Variants in CRYL1 observed in about 807,000 individuals in gnomAD.
CRYL1 encodes the protein crystallin lambda 1.
CRYL1 carries 29 observed loss-of-function variants against 36.6 expected under a neutral mutation model. That is an observed-to-expected ratio of 0.79 (90% confidence interval 0.59 to 1.08). The LOEUF is 1.08. Among genes scored for constraint, CRYL1 ranks in the 50% least tolerant of loss-of-function variants. The probability of loss-of-function intolerance (pLI) is 0.00; values close to 1 mark genes in which losing one functional copy is unlikely to be tolerated. For missense variants in CRYL1, 411 were observed against 407.9 expected, an observed-to-expected ratio of 1.01 and a Z score of -0.06; for synonymous variants, 152 against 151.5, an observed-to-expected ratio of 1.00 and a Z score of -0.02.
At chr13:20,454,187 A>G (rs1338226216) in intron 3 of CRYL1, among the ~76,000 whole-genome samples, 5 of 152,162 alleles carry the variant, frequency 3.3e-5, no homozygotes, top group African/African-American at 1.2e-4. Context: ...AAGACATTAC[A>G]TGGGGAAAAA....
intron 2 of CRYL1, among the ~76,000 whole-genome samples, chr13:20,500,426 G>T (rs113099482): frequency 3.8e-4 from 3 of 7,876 alleles, no homozygotes; most frequent in African/African-American, 3.9e-4. Flanking sequence ...ACAGTTGAAG[G>T]AACTGGTTGT....
At chr13:20,518,981 G>A (rs74038905) in intron 1 of CRYL1, among the ~76,000 whole-genome samples, 9,840 of 152,192 alleles carry the variant, frequency 0.065, 763 homozygotes, top group African/African-American at 0.18. Context: ...AGTTCAAAAC[G>A]GGATGTTTTC....
intron 2 of CRYL1, among the ~76,000 whole-genome samples, chr13:20,510,722 C>T (rs572462388): frequency 6.6e-6 from 1 of 151,430 alleles, no homozygotes; most frequent in Non-Finnish European, 1.5e-5. Context: ...AAGTGACTCT[C>T]ATGTCTCAGC....
chr13:20,409,493 C>T (rs1260991196), intron 6 of CRYL1, among the ~76,000 whole-genome samples: 1 of 150,510 alleles, frequency 6.6e-6, no homozygotes, highest in African/African-American at 2.4e-5. Flanking sequence ...ATGTCTAAAA[C>T]ACCAAAAGCA....
At chr13:20,429,744 A>G (rs941523980) in intron 5 of CRYL1, among the ~76,000 whole-genome samples, 1 of 152,168 alleles carries the variant, frequency 6.6e-6, no homozygotes, top group African/African-American at 2.4e-5. Flanking sequence ...TTCACGAACA[A>G]GGTCATGACC....
intron 2 of CRYL1, among the ~76,000 whole-genome samples, chr13:20,509,394 C>T (rs2033872842): frequency 1.3e-5 from 2 of 151,926 alleles, no homozygotes; most frequent in African/African-American, 2.4e-5. Context: ...ACTTCCAGCA[C>T]TATGATGGAC....
chr13:20,404,365 C>T lies in CRYL1; in HGVS notation c.847-123G>A, dbSNP rs4638418. The T allele has an allele frequency of 0.73, 484,652 of 666,336 alleles. 177,639 individuals carry two copies. Among genetic ancestry groups the T allele is most frequent in the South Asian group, 0.77 (41,506 of 54,000 alleles). The allele number at this position is 666,336 out of a possible 1,614,324, so 41.3% of individuals were successfully genotyped here. A position where few individuals can be genotyped will look rare whatever the true frequency, so the allele number is the denominator to read the frequency against. ...CTTTCAAAGACAAAAGCAATAAACCCTCAATGAACAGCAGCTTTCCAAATC... is the reference window on the plus strand; with the variant it reads ...CTTTCAAAGACAAAAGCAATAAACCTTCAATGAACAGCAGCTTTCCAAATC... On this transcript the variant is annotated intron_variant, in intron 7 of 7. Transcript: ENST00000298248.
intron 4 of CRYL1, among the ~76,000 whole-genome samples, chr13:20,436,238 C>G (rs980233636): frequency 2.0e-5 from 3 of 152,322 alleles, no homozygotes; most frequent in African/African-American, 7.2e-5. Flanking sequence ...CAGCACAGTA[C>G]TTGGTGGGCT....
rs2031924469 is a variant in CRYL1, at chr13:20,425,964, T to C, written c.633+6138A>G. ...GAGTGCTGTTTCTGGGTGTCCCTCC[T>C]GAGGGACCTGCTTCTGCCCACACAG... On this transcript the variant is annotated intron_variant, in intron 5 of 7. Coordinates refer to ENST00000298248, the MANE Select transcript of CRYL1 (RefSeq NM_015974.3). This position sits in a 1 kb window ranked among gnomAD's most constrained non-coding sequence, Gnocchi z 4.4. 6.6e-6 allele frequency among the ~76,000 whole-genome samples: 1 copy of C among 152,130 alleles called. No homozygotes were observed. Among genetic ancestry groups the C allele is most frequent in the Non-Finnish European group, 1.5e-5 (1 of 68,018 alleles).
intron 6 of CRYL1, among the ~76,000 whole-genome samples, chr13:20,412,705 C>T (rs772847455): frequency 6.6e-6 from 1 of 152,160 alleles, no homozygotes; most frequent in Non-Finnish European, 1.5e-5. Context: ...TACCAGATCA[C>T]AGATAATGGG....
rs1035516449 is a variant in CRYL1, at chr13:20,425,827, G to A, written c.633+6275C>T. Among the ~76,000 whole-genome samples, 2 of 151,984 alleles carry A rather than the reference G, an allele frequency of 1.3e-5. No individual in the cohort carries two copies. Among genetic ancestry groups the A allele is most frequent in the Admixed American group, 6.6e-5 (1 of 15,262 alleles). ...CAGTTCATAATGCAGTGGATTATGC[G>A]CAAACCTGGCTGACAGCATGAGATC... On this transcript the variant is annotated intron_variant, in intron 5 of 7. Transcript: ENST00000298248. The surrounding 1 kb of genome is among the most constrained non-coding windows in gnomAD (Gnocchi z 4.4).
In CRYL1 at chr13:20,425,467, G is replaced by T. The variant is rs935346414; in HGVS notation, c.633+6635C>A. ...TGAAACGGCAGAGCCTCACCGGACTGCCAGAAAAGGACAGGCCACGCAGGC... is the reference window on the plus strand; with the variant it reads ...TGAAACGGCAGAGCCTCACCGGACTTCCAGAAAAGGACAGGCCACGCAGGC... On this transcript the variant is annotated intron_variant, in intron 5 of 7. Coordinates refer to ENST00000298248, the MANE Select transcript of CRYL1 (RefSeq NM_015974.3). The surrounding 1 kb of genome is among the most constrained non-coding windows in gnomAD (Gnocchi z 4.4). Among the ~76,000 whole-genome samples, 5 of 152,240 alleles carry T rather than the reference G, an allele frequency of 3.3e-5. No individual in the cohort carries two copies. The highest frequency in any genetic ancestry group is 7.3e-5 in the Non-Finnish European group (5 of 68,038).
At chr13:20,476,063 G>T (rs1299419187) in intron 3 of CRYL1, among the ~76,000 whole-genome samples, 1 of 152,122 alleles carries the variant, frequency 6.6e-6, no homozygotes, top group Non-Finnish European at 1.5e-5. Context: ...AACCACAGTA[G>T]GTCTCTCAGA....
At chr13:20,466,309 A>T (rs984662366) in intron 3 of CRYL1, among the ~76,000 whole-genome samples, 3 of 152,244 alleles carry the variant, frequency 2.0e-5, no homozygotes, top group African/African-American at 7.2e-5. Flanking sequence ...AAAGATGGGT[A>T]AATTTGACTG....
intron 5 of CRYL1, among the ~76,000 whole-genome samples, chr13:20,421,910 C>T (rs1005998181): frequency 6.6e-6 from 1 of 151,872 alleles, no homozygotes; most frequent in Non-Finnish European, 1.5e-5. Flanking sequence ...AATGGGGATA[C>T]AGGTATCTCT....
chr13:20,500,353 AT>A (rs2033681469), intron 2 of CRYL1, among the ~76,000 whole-genome samples: 1 of 152,198 alleles, frequency 6.6e-6, no homozygotes, highest in African/African-American at 2.4e-5. Context: ...AGTATTCTTA[AT>A]TCATGGCAAT....
rs151271964 is a variant in CRYL1 at position 20,408,384 on chromosome 13, A to C, written c.740-3643T>G. On this transcript the variant is annotated intron_variant, in intron 6 of 7. Transcript: ENST00000298248. ...CTGTGAGGCAAAATGGTAAATAAAC[A>C]TCCACTTCCCCTGGAGGCGATTTCC... Among the ~76,000 whole-genome samples, 593 of 152,314 alleles carry C rather than the reference A, an allele frequency of 3.9e-3. 3 individuals are homozygous for C. The highest frequency in any genetic ancestry group is 7.7e-3 in the Admixed American group (118 of 15,300).
rs921821893 is a variant in CRYL1, at chr13:20,450,135, C to T, written c.277-10381G>A. On this transcript the variant is annotated intron_variant, in intron 3 of 7. Coordinates refer to ENST00000298248, the MANE Select transcript of CRYL1 (RefSeq NM_015974.3). ...ACCAAAATCGAGCCTGAACAAAAATCCAGCCTAAGCAAAAAGAACAAAGCT... is the reference window on the plus strand; with the variant it reads ...ACCAAAATCGAGCCTGAACAAAAATTCAGCCTAAGCAAAAAGAACAAAGCT... 5.9e-5 allele frequency among the ~76,000 whole-genome samples: 9 copies of T among 152,058 alleles called. No individual in the cohort carries two copies. The East Asian group carries it at 7.7e-4, about 13-fold the overall frequency.
chr13:20,424,688 G>A (rs1395727612), intron 5 of CRYL1, among the ~76,000 whole-genome samples: 1 of 152,164 alleles, frequency 6.6e-6, no homozygotes, highest in African/African-American at 2.4e-5. Flanking sequence ...GAGAAGCAGG[G>A]GAAAGATTCC....
Sources: gnomAD v4.1 joint callset for allele counts (sites outside exome capture counted in the v4.1 genomes callset) on GRCh38, gnomAD v4.1.1 for gene constraint, Gnocchi (gnomAD v3.1) non-coding constraint, MANE v1.5 for transcripts, NCBI Gene and HGNC (gene_info 2026-07-23, HGNC 2026-07-21) for gene names.